Variants in F9 observed in about 807,000 individuals in gnomAD.
The protein encoded by F9 is Christmas factor.
F9 carries 2 observed loss-of-function variants against 34.1 expected under a neutral mutation model. That is an observed-to-expected ratio of 0.06 (90% CI 0.02 to 0.18). The LOEUF is 0.18. Ranked by LOEUF, F9 falls within the 10% of genes least tolerant of loss-of-function variation. The pLI, the probability that F9 is intolerant of heterozygous loss-of-function variation, is 1.00. For synonymous variants in F9, 137 were observed against 118.8 expected (o/e 1.15, Z -1.00); for missense variants, 216 against 345.1 (o/e 0.63, Z 2.96).
Position 139,562,234 on chromosome X carries a change from T to C in F9, c.*163T>C. The C allele has an allele frequency of 2.0e-6, 1 of 492,826 alleles. No individual in the cohort carries two copies. The highest frequency in any genetic ancestry group is 3.4e-6 in the Non-Finnish European group (1 of 297,661). 40.6% of individuals were successfully genotyped at this position (492,826 alleles called of 1,213,427 possible). On this transcript the variant is annotated 3_prime_UTR_variant, in exon 8 of 8. Coordinates refer to ENST00000218099, the MANE Select transcript of F9 (RefSeq NM_000133.4). ...AATTTCATATTTTACCTGAGCAAATTGATTAGAAAATGGAACCACTAGAGG... is the reference window on the plus strand; with the variant it reads ...AATTTCATATTTTACCTGAGCAAATCGATTAGAAAATGGAACCACTAGAGG...
chrX:139,546,743 ATG>A (rs2148360454), intron 4 of F9, among the ~76,000 whole-genome samples: 1 of 112,021 alleles, frequency 8.9e-6, no homozygotes, highest in South Asian at 3.7e-4. Context: ...TTAGTAATAA[ATG>A]TGAGAAAGAT....
chrX:139,542,260 G>A (rs1348982456), intron 4 of F9, among the ~76,000 whole-genome samples: 2 of 111,623 alleles, frequency 1.8e-5, no homozygotes, highest in African/African-American at 6.5e-5. Context: ...CTTTAGTCTC[G>A]AAAATTTCTT....
At chrX:139,555,939 T>G (rs3128278) in intron 6 of F9, among the ~76,000 whole-genome samples, 1,389 of 111,593 alleles carry the variant, frequency 0.012, 22 homozygotes, top group African/African-American at 0.042. Context: ...CAACACCGCA[T>G]TTTGGCTTTC....
At chrX:139,531,664 C>A (rs1927347832) in intron 1 of F9, among the ~76,000 whole-genome samples, 2 of 112,020 alleles carry the variant, frequency 1.8e-5, no homozygotes, top group Admixed American at 1.9e-4. Context: ...AAGAAATTAT[C>A]CCATTTGGAC....
At chrX:139,554,262 T>G (rs921182722) in intron 6 of F9, among the ~76,000 whole-genome samples, 2 of 112,299 alleles carry the variant, frequency 1.8e-5, no homozygotes, top group African/African-American at 3.2e-5. Context: ...ATGTTCAAGA[T>G]CACTCATACA....
chrX:139,541,116 C>T lies in F9; in HGVS notation c.318C>T (p.Gly106=). The part of the protein sequence containing the change: ...QCESNPCLNG[G]SCKDDINSYE... ...AGTCCAATCCATGTTTAAATGGCGG[C>T]AGTTGCAAGGATGACATTAATTCCT... Residue 106 remains glycine, a synonymous_variant, in exon 4 of 8, where the codon GGC becomes GGT. Coordinates refer to ENST00000218099, the MANE Select transcript of F9 (RefSeq NM_000133.4). 8.3e-7 allele frequency: 1 copy of T among 1,200,427 alleles called. No individual in the cohort carries two copies. Among genetic ancestry groups the T allele is most frequent in the Non-Finnish European group, 1.1e-6 (1 of 887,689 alleles).
intron 6 of F9, among the ~76,000 whole-genome samples, chrX:139,551,711 CAG>C (rs775761759): frequency 5.4e-5 from 6 of 111,220 alleles, no homozygotes; most frequent in Non-Finnish European, 9.4e-5. Context: ...TTCCAAGAAA[CAG>C]GGCATGAGAG....
At chrX:139,560,637 A>T in intron 6 of F9, 104 bp from the exon 7 acceptor site, 1 of 567,949 alleles carries the variant, frequency 1.8e-6, no homozygotes, top group Non-Finnish European at 3.1e-6. Context: ...TTCTGCCAGC[A>T]CCTAGAAGCC....
At chrX:139,532,421 GA>G (rs1256384643) in intron 1 of F9, among the ~76,000 whole-genome samples, 6 of 111,847 alleles carry the variant, frequency 5.4e-5, no homozygotes, top group African/African-American at 1.9e-4. Flanking sequence ...TTGGAATTTT[GA>G]AATTAAAACA....
rs755240522 is a variant in F9 at position 139,556,650 on chromosome X, G to A, written c.724-4091G>A. ...ATTCAATTAAGAGAAATAAGAACGT[G>A]ACATGTGTAATCGCACCTGGCTCTA... On this transcript the variant is annotated intron_variant, in intron 6 of 7. Coordinates refer to ENST00000218099, the MANE Select transcript of F9 (RefSeq NM_000133.4). 1.3e-4 allele frequency among the ~76,000 whole-genome samples: 15 copies of A among 112,307 alleles called. No homozygotes were observed. In the South Asian group the frequency reaches 5.6e-3, roughly 42 times the overall value.
chrX:139,545,620 C>T (rs753470858), intron 4 of F9, among the ~76,000 whole-genome samples: 1 of 111,729 alleles, frequency 9.0e-6, no homozygotes, highest in African/African-American at 3.2e-5. Flanking sequence ...GTGAAAAGAA[C>T]TATCAGGTAA....
intron 6 of F9, among the ~76,000 whole-genome samples, chrX:139,551,596 A>G (rs1927845125): frequency 9.0e-6 from 1 of 111,534 alleles, no homozygotes; most frequent in South Asian, 3.8e-4. Flanking sequence ...CAGCCCTTGC[A>G]AAAACTGGTG....
chrX:139,550,922 C>A, intron 5 of F9, 140 bp from the exon 6 acceptor site: 1 of 493,051 alleles, frequency 2.0e-6, no homozygotes, highest in Non-Finnish European at 3.4e-6. Context: ...AGACTCTATT[C>A]ACTGATTAGA....
intron 4 of F9, among the ~76,000 whole-genome samples, chrX:139,544,302 C>T (rs1356170786): frequency 9.0e-6 from 1 of 111,100 alleles, no homozygotes; most frequent in Non-Finnish European, 1.9e-5. Flanking sequence ...TAGCTAGTAA[C>T]AGAAAAAGAT....
At chrX:139,561,448 G>T (rs1928099671) in intron 7 of F9, 76 bp from the exon 8 acceptor site, 2 of 904,621 alleles carry the variant, frequency 2.2e-6, no homozygotes, top group Admixed American at 4.9e-5. Context: ...TAGGTCAGTG[G>T]TCCCAAGTAG....
At chrX:139,553,860 AAG>A (rs1273809954) in intron 6 of F9, among the ~76,000 whole-genome samples, 1 of 107,640 alleles carries the variant, frequency 9.3e-6, no homozygotes, top group Non-Finnish European at 1.9e-5. Context: ...AAAAAAAAAA[AAG>A]GATGTCTGCT....
chrX:139,538,166 C>T (rs1256592048), intron 3 of F9, among the ~76,000 whole-genome samples: 1 of 111,821 alleles, frequency 8.9e-6, no homozygotes, highest in Non-Finnish European at 1.9e-5. Flanking sequence ...TTCTCCTACT[C>T]CACTAAAATG....
At chrX:139,550,988 C>T in intron 5 of F9, 74 bp from the exon 6 acceptor site, 1 of 977,593 alleles carries the variant, frequency 1.0e-6, no homozygotes, top group East Asian at 3.1e-5. Flanking sequence ...GGGCCTCAAT[C>T]TCAATTTTTG....
At chrX:139,546,838 G>A (rs1273128276) in intron 4 of F9, among the ~76,000 whole-genome samples, 2 of 111,987 alleles carry the variant, frequency 1.8e-5, no homozygotes, top group African/African-American at 6.5e-5. Flanking sequence ...AATAGGCAAT[G>A]TTTATCAATT....
Sources: gnomAD v4.1 joint callset for allele counts (sites outside exome capture counted in the v4.1 genomes callset) on GRCh38, gnomAD v4.1.1 for gene constraint, MANE v1.5 for transcripts, NCBI Gene and HGNC (gene_info 2026-07-23, HGNC 2026-07-21) for gene names.